The following RALGDS variants were observed in gnomAD, a reference collection of about 807,000 sequenced individuals.
RALGDS encodes the protein ral guanine nucleotide exchange factor.
RALGDS carries 44 observed loss-of-function variants against 99.8 expected under a neutral mutation model. The observed-to-expected ratio is 0.44, with a 90% CI of 0.35 to 0.57. The LOEUF (loss-of-function observed/expected upper bound fraction) is 0.57. Among genes scored for constraint, RALGDS ranks in the 20% least tolerant of loss-of-function variants. The pLI is 0.01. For synonymous variants in RALGDS, 529 were observed against 505.0 expected (o/e 1.05, Z -0.64); for missense variants, 1,022 against 1,203.1 (o/e 0.85, Z 2.23).
upstream of RALGDS, among the ~76,000 whole-genome samples, chr9:133,133,051 C>T (rs756400806): frequency 2.6e-5 from 4 of 152,168 alleles, no homozygotes; most frequent in Non-Finnish European, 5.9e-5. Context: ...AAGCAGCTCC[C>T]GGGTACCAGG....
At chr9:133,139,367 G>T (rs1236309060) in intron 1 of RALGDS, among the ~76,000 whole-genome samples, 1 of 152,242 alleles carries the variant, frequency 6.6e-6, no homozygotes, top group East Asian at 1.9e-4. Context: ...ACCTCATGGA[G>T]TCCTGAAGAA....
intron 1 of RALGDS, among the ~76,000 whole-genome samples, chr9:133,113,030 C>A (rs986497359): frequency 1.3e-5 from 2 of 152,224 alleles, no homozygotes; most frequent in South Asian, 4.1e-4. Context: ...AGACTTCCCC[C>A]ACCTGGCAGG....
intron 1 of RALGDS, among the ~76,000 whole-genome samples, chr9:133,112,979 C>T (rs1322199475): frequency 6.6e-6 from 1 of 152,220 alleles, no homozygotes; most frequent in Non-Finnish European, 1.5e-5. Flanking sequence ...AAGGGGGCAT[C>T]TGGCCCCAGG....
chr9:133,121,198 G>T lies in RALGDS; in HGVS notation c.-44C>A, dbSNP rs1338855579. 3 of 885,268 alleles carry T rather than the reference G, an allele frequency of 3.4e-6. No homozygotes were observed. Among genetic ancestry groups the T allele is most frequent in the South Asian group, 9.7e-5 (2 of 20,712 alleles). The allele number at this position is 885,268 out of a possible 1,614,324, so 54.8% of individuals were successfully genotyped here. A position where few individuals can be genotyped will look rare whatever the true frequency, so the allele number is the denominator to read the frequency against. On this transcript the variant is annotated 5_prime_UTR_variant, in exon 1 of 18. Coordinates refer to ENST00000372050, the MANE Select transcript of RALGDS (RefSeq NM_006266.4). ...GCGCGGGGCCGGCCCGGCGCGCGGC[G>T]GGGGCGGCGGCGCGGCCCGCGCGGC...
chr9:133,139,855 C>T (rs1832490570), intron 1 of RALGDS, among the ~76,000 whole-genome samples: 1 of 152,146 alleles, frequency 6.6e-6, no homozygotes, highest in South Asian at 2.1e-4. Context: ...TCATACTCCC[C>T]CACATCCGTA....
At chr9:133,102,927 G>T in intron 12 of RALGDS, 27 bp from the exon 13 acceptor site, 1 of 1,611,814 alleles carries the variant, frequency 6.2e-7, no homozygotes. Context: ...GCACAGGGCG[G>T]TGACAAGGCC....
intron 1 of RALGDS, among the ~76,000 whole-genome samples, chr9:133,127,704 C>G (rs1399579514): frequency 6.6e-6 from 1 of 152,242 alleles, no homozygotes; most frequent in African/African-American, 2.4e-5. Flanking sequence ...CTGGCAACCT[C>G]TGGTGGCTTC....
At chr9:133,134,053 C>G (rs778940473), upstream of RALGDS, among the ~76,000 whole-genome samples, 1 of 152,214 alleles carries the variant, frequency 6.6e-6, no homozygotes, top group Admixed American at 6.5e-5. Flanking sequence ...TGGCCAGACT[C>G]GGTGTCCAGC....
At chr9:133,127,649 AG>A (rs1832203774) in intron 1 of RALGDS, among the ~76,000 whole-genome samples, 1 of 152,224 alleles carries the variant, frequency 6.6e-6, no homozygotes, top group African/African-American at 2.4e-5. Context: ...CTCCCGGCAC[AG>A]CGGGCGGGCC....
chr9:133,112,088 T>C lies in RALGDS; in HGVS notation c.248A>G (p.Lys83Arg), dbSNP rs1014642294. 3 of 1,586,122 alleles carry C rather than the reference T, an allele frequency of 1.9e-6. No homozygotes were observed. The African/African-American group carries it at 4.0e-5, about 21-fold the overall frequency. The change falls in exon 2 of 18, where the codon AAG becomes AGG. Residue 83 changes from lysine (K) to arginine (R), a missense_variant. Transcript: ENST00000372050. The stretch of plus-strand genomic sequence containing the variant: ...GTTGCCTCCGTGGTGCAGCTGCACC[T>C]TGCGCAGGGAGATGGAGTAGATGAC... The part of the protein sequence containing the change: ...NGVIYSISLR[K>R]VQLHHGGNKG...
At chr9:133,120,872 ATCGCCCGGCCCCGTCCGGGGC>A in intron 1 of RALGDS, 79 bp downstream of exon 1, 1 of 1,269,964 alleles carries the variant, frequency 7.9e-7, no homozygotes, top group Non-Finnish European at 1.0e-6. Context: ...GCCCGCTGGG[ATCGCCCGGCCCCGTCCGGGGC>A]TCGCCCCGAC....
At chr9:133,113,229 C>T (rs11244000) in intron 1 of RALGDS, among the ~76,000 whole-genome samples, 2,029 of 152,252 alleles carry the variant, frequency 0.013, 72 homozygotes, top group East Asian at 0.13. Context: ...CAGTCAGTGC[C>T]CCAGCCCAGG....
chr9:133,133,066 CT>C (rs2119255712), upstream of RALGDS, among the ~76,000 whole-genome samples: 1 of 152,336 alleles, frequency 6.6e-6, no homozygotes, highest in East Asian at 1.9e-4. Flanking sequence ...ACCAGGCCCT[CT>C]GCAGGGCCTT....
intron 3 of RALGDS, among the ~76,000 whole-genome samples, chr9:133,110,081 C>T (rs866901520): frequency 6.6e-6 from 1 of 152,336 alleles, no homozygotes. Flanking sequence ...GCAGCCCATT[C>T]CCTACAGGGC....
chr9:133,135,092 C>T (rs1040802962), upstream of RALGDS, among the ~76,000 whole-genome samples: 3 of 152,108 alleles, frequency 2.0e-5, no homozygotes, highest in Admixed American at 6.6e-5. Context: ...CAGGAGGGCC[C>T]CTGTGTGTGG....
intron 1 of RALGDS, among the ~76,000 whole-genome samples, chr9:133,115,505 C>A (rs1831556139): frequency 6.6e-6 from 1 of 152,146 alleles, no homozygotes; most frequent in South Asian, 2.1e-4. Context: ...GTGCTTGCCA[C>A]CCCCCTGCCA....
rs1832588576 is a variant in RALGDS, at chr9:133,144,375, A to C, written c.18+4588T>G. Among the ~76,000 whole-genome samples, 2 of 148,508 alleles carry C rather than the reference A, an allele frequency of 1.3e-5. No homozygotes were observed. The highest frequency in any genetic ancestry group is 5.0e-5 in the African/African-American group (2 of 40,026). ...CATGGTCCTCCTCGCCACCCCTGTC[A>C]CCTCCTCCTCCGCCCCCCGCCGGCC... is the stretch of plus-strand genomic sequence containing the variant. On this transcript the variant is annotated intron_variant, in intron 1 of 17. Transcript: ENST00000393160. The surrounding 1 kb of genome is among the most constrained non-coding windows in gnomAD (Gnocchi z 4.5).
intron 1 of RALGDS, among the ~76,000 whole-genome samples, chr9:133,140,691 T>G (rs917598079): frequency 6.6e-6 from 1 of 151,682 alleles, no homozygotes; most frequent in Non-Finnish European, 1.5e-5. Flanking sequence ...GTGGGGAAGG[T>G]CCTTAGTGCA....
At chr9:133,121,447 G>A (rs1444354281), upstream of RALGDS, among the ~76,000 whole-genome samples, 5 of 152,158 alleles carry the variant, frequency 3.3e-5, no homozygotes, top group Non-Finnish European at 7.4e-5. Context: ...GGGCCGGGGA[G>A]GTCGAGGGGT....
Sources: allele counts gnomAD v4.1 joint callset (sites outside exome capture counted in the v4.1 genomes callset), GRCh38; gene constraint gnomAD v4.1.1; non-coding constraint Gnocchi (gnomAD v3.1); transcripts MANE v1.5; gene names NCBI Gene and HGNC (gene_info 2026-07-23, HGNC 2026-07-21).